FAM120C: variants seen among roughly 807,000 people sequenced by gnomAD.
FAM120C encodes the protein family with sequence similarity 120 member C, also known as constitutive coactivator of PPAR-gamma-like protein 2.
FAM120C carries 14 observed loss-of-function variants against 71.2 expected under a neutral mutation model. That is an observed-to-expected ratio of 0.20 (90% CI 0.13 to 0.31). FAM120C has a LOEUF of 0.31. Ranked by LOEUF, FAM120C falls within the 10% of genes least tolerant of loss-of-function variation. The probability of loss-of-function intolerance (pLI) is 1.00; values close to 1 mark genes in which losing one functional copy is unlikely to be tolerated. For missense variants in FAM120C, 500 were observed against 879.0 expected (o/e 0.57, Z 5.45); for synonymous variants, 354 against 353.2 (o/e 1.00, Z -0.03).
chrX:54,096,874 C>T (rs148004358), intron 10 of FAM120C, among the ~76,000 whole-genome samples: 6,220 of 111,223 alleles, frequency 0.056, 167 homozygotes, highest in Non-Finnish European at 0.086. Context: ...AATTGTTTTC[C>T]AGACCAGACC....
At chrX:54,149,211 A>G (rs2067172614) in intron 4 of FAM120C, among the ~76,000 whole-genome samples, 1 of 112,684 alleles carries the variant, frequency 8.9e-6, no homozygotes, top group East Asian at 2.8e-4. Context: ...GTAAATGTAT[A>G]AACAAACTGG....
chrX:54,116,649 G>A lies in FAM120C; in HGVS notation c.2208C>T (p.Asn736=). Residue 736 remains asparagine (N), a synonymous_variant, in exon 10 of 16, where the codon AAC becomes AAT. Transcript: ENST00000375180. ...AGGCCAGGAAGGCCCGCATCCTTCT[G>A]TTCTTGTCTTCAACTGCTTTGCCTA... The part of the protein sequence containing the change: ...LWLGKAVEDK[N]RRMRAFLACM... 1 of 1,211,843 alleles carries A rather than the reference G, an allele frequency of 8.3e-7. No individual in the cohort carries two copies. The highest frequency in any genetic ancestry group is 1.8e-5 in the South Asian group (1 of 56,994).
At chrX:54,128,243 A>G (rs1450163131) in intron 9 of FAM120C, among the ~76,000 whole-genome samples, 1 of 110,469 alleles carries the variant, frequency 9.1e-6, no homozygotes, top group Non-Finnish European at 1.9e-5. Flanking sequence ...TGTTTTTAGT[A>G]GAGACGGGTT....
At chrX:54,182,309 G>C (rs782263220) in intron 1 of FAM120C, among the ~76,000 whole-genome samples, 191 bp downstream of exon 1, 1 of 110,632 alleles carries the variant, frequency 9.0e-6, no homozygotes, top group South Asian at 3.9e-4. Context: ...GAATCCGTAG[G>C]GGGTGGTATG....
chrX:54,096,905 C>G (rs782250388), intron 10 of FAM120C, among the ~76,000 whole-genome samples: 3 of 111,586 alleles, frequency 2.7e-5, no homozygotes, highest in African/African-American at 6.5e-5. Flanking sequence ...CCTATCCCAG[C>G]AGTGTGTCAG....
At chrX:54,175,982 C>T (rs941466424) in intron 1 of FAM120C, among the ~76,000 whole-genome samples, 6 of 111,553 alleles carry the variant, frequency 5.4e-5, no homozygotes, top group Admixed American at 9.5e-5. Flanking sequence ...ACTATAAAAA[C>T]GCAATTATAC....
intron 9 of FAM120C, among the ~76,000 whole-genome samples, chrX:54,131,719 T>C (rs1242211153): frequency 9.0e-6 from 1 of 110,578 alleles, no homozygotes; most frequent in Non-Finnish European, 1.9e-5. Flanking sequence ...ATTACAGGCA[T>C]GAGCCACTGC....
rs1557120017 is a variant in FAM120C, at chrX:54,071,401, C to G, written c.*1632G>C. 1 of 112,830 alleles carries G rather than the reference C, an allele frequency of 8.9e-6. No homozygotes were observed. The highest frequency in any genetic ancestry group is 3.6e-4 in the South Asian group (1 of 2,799). 9.3% of individuals were successfully genotyped at this position (112,830 alleles called of 1,213,427 possible). A position where few individuals can be genotyped will look rare whatever the true frequency, so the allele number is the denominator to read the frequency against. The stretch of plus-strand genomic sequence containing the variant: ...AAAGCAAATGAAAAGATCCAGTAGT[C>G]AGAATGTCAATGAACAAATGAAACA... On this transcript the variant is annotated 3_prime_UTR_variant, in exon 16 of 16. Coordinates refer to ENST00000375180, the MANE Select transcript of FAM120C (RefSeq NM_017848.6).
At chrX:54,150,303 G>C (rs1466933073) in intron 4 of FAM120C, among the ~76,000 whole-genome samples, 1 of 111,771 alleles carries the variant, frequency 8.9e-6, no homozygotes, top group Admixed American at 9.6e-5. Context: ...TTATAATAAA[G>C]TATTGAATAT....
In FAM120C at chrX:54,149,151, CT is replaced by C. The variant is rs2067172192; in HGVS notation, c.1158+2093del. ...ACCTGTACACAAATGTTTATAGCAGCTCTATTCATAACACCATAAATCGAAA... is the reference window on the plus strand; with the variant it reads ...ACCTGTACACAAATGTTTATAGCAGCCTATTCATAACACCATAAATCGAAA... On this transcript the variant is annotated intron_variant, in intron 4 of 15. Transcript: ENST00000375180. Among the ~76,000 whole-genome samples, 3 of 112,181 alleles carry C rather than the reference CT, an allele frequency of 2.7e-5. No individual in the cohort carries two copies. In the South Asian group the frequency reaches 1.1e-3, roughly 41 times the overall value.
At chrX:54,100,633 C>A (rs1557124034) in intron 10 of FAM120C, among the ~76,000 whole-genome samples, 1 of 112,059 alleles carries the variant, frequency 8.9e-6, no homozygotes, top group African/African-American at 3.2e-5. Flanking sequence ...GCACTTCAAC[C>A]TGGGTGACAG....
intron 10 of FAM120C, among the ~76,000 whole-genome samples, chrX:54,114,423 T>C (rs191185771): frequency 5.4e-5 from 6 of 110,409 alleles, no homozygotes; most frequent in Non-Finnish European, 5.7e-5. Context: ...ATAAAGTTTT[T>C]TTTTGTTTTT....
At chrX:54,175,571 C>T (rs141874339) in intron 1 of FAM120C, among the ~76,000 whole-genome samples, 7 of 109,936 alleles carry the variant, frequency 6.4e-5, no homozygotes, top group East Asian at 2.8e-4. Context: ...TGCATTGGTG[C>T]GATCTCAGCT....
At position 54,133,844 on chromosome X, in the gene FAM120C, C is replaced by T. The variant is rs782366461; in HGVS notation, c.1819G>A (p.Val607Ile). ...IPPLPPVAPE[V>I]LRVAEHRHRR... ...TGTCTGTGTTCAGCAACTCTCAAGA[C>T]TTCTGGAGCTACTGGAGGTAAGGGT... Residue 607 changes from valine to isoleucine, a missense_variant, in exon 8 of 16, where the codon GTC becomes ATC. Val to Ile is a conservative substitution (Grantham distance 29). This residue lies in a region of FAM120C where 104 missense variants were observed against 254.5 expected (regional missense o/e 0.41). Transcript: ENST00000375180. 1 of 1,211,235 alleles carries T rather than the reference C, an allele frequency of 8.3e-7. No individual in the cohort carries two copies. The highest frequency in any genetic ancestry group is 1.8e-5 in the South Asian group (1 of 56,919).
intron 10 of FAM120C, among the ~76,000 whole-genome samples, chrX:54,101,766 A>G (rs1186009248): frequency 8.9e-6 from 1 of 111,745 alleles, no homozygotes; most frequent in Non-Finnish European, 1.9e-5. Context: ...TACCTCGCTC[A>G]TCAGTTCCAT....
At chrX:54,160,512 C>G (rs1315498787) in intron 1 of FAM120C, among the ~76,000 whole-genome samples, 1 of 111,152 alleles carries the variant, frequency 9.0e-6, no homozygotes, top group Non-Finnish European at 1.9e-5. Flanking sequence ...CTGGAGATCA[C>G]TATTTTTTAT....
At chrX:54,129,309 G>A (rs1557128780) in intron 9 of FAM120C, among the ~76,000 whole-genome samples, 2 of 105,994 alleles carry the variant, frequency 1.9e-5, no homozygotes, top group South Asian at 8.6e-4. Context: ...TCAGACGGGC[G>A]GCCGGGCAGA....
intron 10 of FAM120C, among the ~76,000 whole-genome samples, chrX:54,097,482 T>C (rs1331741651): frequency 8.9e-6 from 1 of 111,987 alleles, no homozygotes; most frequent in Non-Finnish European, 1.9e-5. Flanking sequence ...GAATGGCTTC[T>C]GTTTCTTCTA....
chrX:54,135,693 G>T, intron 5 of FAM120C, 89 bp from the exon 6 acceptor site: 1 of 690,163 alleles, frequency 1.4e-6, no homozygotes, highest in Non-Finnish European at 2.2e-6. Context: ...CTGAAAAAGT[G>T]TTATTAATAA....
Sources: allele counts gnomAD v4.1 joint callset (sites outside exome capture counted in the v4.1 genomes callset), GRCh38; gene constraint gnomAD v4.1.1; regional missense constraint gnomAD v4.1.1; transcripts MANE v1.5; gene names NCBI Gene and HGNC (gene_info 2026-07-23, HGNC 2026-07-21).